The following RBL1 variants were observed in gnomAD, a reference collection of about 807,000 sequenced individuals.
RBL1 encodes the protein retinoblastoma-like protein 1.
Under a neutral mutation model 123.0 loss-of-function variants are expected in RBL1, and 82 were observed. That is an observed-to-expected ratio of 0.67 (90% CI 0.56 to 0.80). The LOEUF (loss-of-function observed/expected upper bound fraction) is 0.80, where lower values mean the gene tolerates loss of function less well. Ranked by LOEUF, RBL1 falls within the 30% of genes least tolerant of loss-of-function variation. The pLI is 0.00. For missense variants in RBL1, 1,171 were observed against 1,299.6 expected (o/e 0.90, Z 1.52); for synonymous variants, 405 against 441.3 (o/e 0.92, Z 1.03).
At chr20:37,047,013 ACT>A (rs768681168) in intron 12 of RBL1, 38 bp downstream of exon 12, 68 of 1,544,144 alleles carry the variant, frequency 4.4e-5, no homozygotes, top group Non-Finnish European at 4.4e-5. Context: ...TGTGAGAAAC[ACT>A]GTTTTCATCT....
intron 19 of RBL1, among the ~76,000 whole-genome samples, chr20:37,016,027 T>G (rs1349168187): frequency 6.8e-6 from 1 of 146,510 alleles, no homozygotes; most frequent in Non-Finnish European, 1.5e-5. Context: ...AGCGGTTTTT[T>G]TTTTTTTTTT....
intron 9 of RBL1, among the ~76,000 whole-genome samples, chr20:37,059,935 G>T (rs1392017729): frequency 6.6e-6 from 1 of 152,090 alleles, no homozygotes; most frequent in Non-Finnish European, 1.5e-5. Context: ...CACTTTGGGA[G>T]GCCGAGGCAG....
chr20:37,055,905 G>A (rs948386250), intron 10 of RBL1, among the ~76,000 whole-genome samples: 9 of 151,806 alleles, frequency 5.9e-5, no homozygotes, highest in African/African-American at 1.9e-4. Flanking sequence ...AAAATTAGCC[G>A]GTGTGGTGGT....
chr20:37,069,154 G>A (rs2065235671), intron 2 of RBL1, among the ~76,000 whole-genome samples: 1 of 152,252 alleles, frequency 6.6e-6, no homozygotes, highest in Admixed American at 6.5e-5. Context: ...ATGGTGCCCA[G>A]GCTGGAGTGC....
At position 37,095,951 on chromosome 20, in the gene RBL1, G is replaced by A. The variant is rs2065735249; in HGVS notation, c.-23C>T. On this transcript the variant is annotated 5_prime_UTR_variant, in exon 1 of 22. Transcript: ENST00000373664. ...CATCCCTTCAGGCCCCGCGGGCTGC[G>A]CGCCACGGCCCCCGACTTCTTTCTC... 10 of 1,493,104 alleles carry A rather than the reference G, an allele frequency of 6.7e-6. No homozygotes were observed. Among genetic ancestry groups the A allele is most frequent in the Non-Finnish European group, 9.0e-6 (10 of 1,113,838 alleles). The allele number at this position is 1,493,104 out of a possible 1,614,324, so 92.5% of individuals were successfully genotyped here.
chr20:37,004,597 G>C (rs1005681021), intron 20 of RBL1, among the ~76,000 whole-genome samples: 1 of 149,118 alleles, frequency 6.7e-6, no homozygotes, highest in Non-Finnish European at 1.5e-5. Context: ...CCTGTAATCC[G>C]AGCTATTTGG....
In RBL1 at chr20:37,012,515, C is replaced by T. The variant is rs867792683; in HGVS notation, c.2723-4956G>A. On this transcript the variant is annotated intron_variant, in intron 19 of 21. Transcript: ENST00000373664. ...GATGTGGGGAGCGCCTCTGCCCCGC[C>T]GCCCCGTCTGGGATGTGAGGAGCGC... Among the ~76,000 whole-genome samples the T allele has an allele frequency of 2.0e-4, 30 of 150,488 alleles. No individual in the cohort carries two copies. The South Asian group carries it at 6.2e-3, about 31-fold the overall frequency.
chr20:37,069,464 G>C (rs566049830), intron 2 of RBL1, among the ~76,000 whole-genome samples: 3 of 151,438 alleles, frequency 2.0e-5, no homozygotes, highest in African/African-American at 2.4e-5. Context: ...CATCGTCTGA[G>C]ATGTGGGGAG....
intron 16 of RBL1, among the ~76,000 whole-genome samples, chr20:37,031,008 T>C (rs1376884419): frequency 6.6e-6 from 1 of 152,018 alleles, no homozygotes; most frequent in Non-Finnish European, 1.5e-5. Flanking sequence ...ACTGCGTGAC[T>C]GCACTCCAGC....
intron 2 of RBL1, among the ~76,000 whole-genome samples, chr20:37,085,514 C>A (rs917699696): frequency 3.1e-4 from 47 of 152,076 alleles, no homozygotes; most frequent in African/African-American, 1.1e-3. Flanking sequence ...CGTGTGTGTG[C>A]GTGGTAAAAC....
chr20:37,024,767 G>C (rs578119057), intron 16 of RBL1, among the ~76,000 whole-genome samples: 54 of 152,188 alleles, frequency 3.5e-4, no homozygotes, highest in Non-Finnish European at 6.5e-4. Flanking sequence ...TTAATTATCA[G>C]AGGCAATAAT....
At chr20:37,080,843 C>T (rs1405501560) in intron 2 of RBL1, among the ~76,000 whole-genome samples, 1 of 152,122 alleles carries the variant, frequency 6.6e-6, no homozygotes, top group African/African-American at 2.4e-5. Flanking sequence ...GAGTGGCCAC[C>T]TAGGCTCTTT....
At chr20:37,030,310 CA>C (rs1006868976) in intron 16 of RBL1, among the ~76,000 whole-genome samples, 11 of 152,182 alleles carry the variant, frequency 7.2e-5, no homozygotes, top group African/African-American at 2.7e-4. Flanking sequence ...GACTTTTCAA[CA>C]AGGATTCTAA....
intron 15 of RBL1, among the ~76,000 whole-genome samples, chr20:37,033,406 A>G (rs1203919089): frequency 6.6e-6 from 1 of 151,404 alleles, no homozygotes; most frequent in Non-Finnish European, 1.5e-5. Context: ...GATGGTCTCG[A>G]TCTCCTGACC....
At chr20:37,011,433 ATTT>A (rs5841248) in intron 19 of RBL1, among the ~76,000 whole-genome samples, 2 of 135,738 alleles carry the variant, frequency 1.5e-5, no homozygotes, top group East Asian at 4.3e-4. Flanking sequence ...CAAGGTCAGA[ATTT>A]TTTTTTTTTT....
At chr20:37,065,979 T>C (rs1291931512) in intron 6 of RBL1, among the ~76,000 whole-genome samples, 1 of 152,142 alleles carries the variant, frequency 6.6e-6, no homozygotes, top group South Asian at 2.1e-4. Flanking sequence ...TGGGCCATAA[T>C]ATAGATATCT....
At chr20:37,038,318 T>C (rs2064662266) in intron 14 of RBL1, among the ~76,000 whole-genome samples, 1 of 149,486 alleles carries the variant, frequency 6.7e-6, no homozygotes, top group Non-Finnish European at 1.5e-5. Context: ...TTTTTTTTTT[T>C]TGGGTCGGAG....
intron 2 of RBL1, among the ~76,000 whole-genome samples, chr20:37,075,105 AC>A (rs2065343449): frequency 6.6e-6 from 1 of 152,204 alleles, no homozygotes; most frequent in South Asian, 2.1e-4. Flanking sequence ...AGAAGCCAAC[AC>A]AGAAGACCAC....
intron 2 of RBL1, among the ~76,000 whole-genome samples, chr20:37,069,450 C>A (rs1217329971): frequency 6.6e-6 from 1 of 151,064 alleles, no homozygotes; most frequent in African/African-American, 2.4e-5. Flanking sequence ...TCTGCCCAGC[C>A]GCCCATCGTC....
Sources: allele counts gnomAD v4.1 joint callset (sites outside exome capture counted in the v4.1 genomes callset), GRCh38; gene constraint gnomAD v4.1.1; transcripts MANE v1.5; gene names NCBI Gene and HGNC (gene_info 2026-07-23, HGNC 2026-07-21).